Variants in GARIN2 observed in about 807,000 individuals in gnomAD.
GARIN2 encodes the protein golgi associated RAB2 interactor family member 2.
At chr14:67,191,103 G>A in the GARIN2 span, among the ~76,000 whole-genome samples, 6 of 152,108 alleles carry the variant, frequency 3.9e-5, no homozygotes, top group Admixed American at 1.3e-4. Flanking sequence ...GCATGGTGGC[G>A]GGCGCCTCTA....
the GARIN2 span, among the ~76,000 whole-genome samples, chr14:67,217,348 T>A: frequency 1.9e-4 from 29 of 152,186 alleles, no homozygotes; most frequent in South Asian, 8.3e-4. Flanking sequence ...GGTCATTTTT[T>A]AAAAAATCCA....
chr14:67,214,851 G>A, the GARIN2 span, among the ~76,000 whole-genome samples: 116 of 152,148 alleles, frequency 7.6e-4, no homozygotes, highest in African/African-American at 2.7e-3. Flanking sequence ...TTGAGCAGTG[G>A]TTTGTAGTTC....
the GARIN2 span, among the ~76,000 whole-genome samples, chr14:67,216,080 C>G: frequency 6.6e-6 from 1 of 152,200 alleles, no homozygotes; most frequent in African/African-American, 2.4e-5. Context: ...ACCGTGTCCT[C>G]CTACCAATCC....
At chr14:67,198,174 A>T in the GARIN2 span, 1 of 1,612,746 alleles carries the variant, frequency 6.2e-7, no homozygotes, top group Non-Finnish European at 8.5e-7. Flanking sequence ...GAAGAAGAAC[A>T]CCAGCAAGAC....
the GARIN2 span, among the ~76,000 whole-genome samples, chr14:67,220,600 A>C: frequency 6.6e-6 from 1 of 152,244 alleles, no homozygotes; most frequent in African/African-American, 2.4e-5. Flanking sequence ...TTTAGAAATG[A>C]AGAATTTACT....
chr14:67,223,289 T>G, the GARIN2 span, among the ~76,000 whole-genome samples: 1 of 152,098 alleles, frequency 6.6e-6, no homozygotes, highest in African/African-American at 2.4e-5. Context: ...CGTGAGCCAC[T>G]GCGCCTGGCC....
the GARIN2 span, among the ~76,000 whole-genome samples, chr14:67,212,639 T>A: frequency 2.1e-5 from 3 of 144,968 alleles, no homozygotes; most frequent in East Asian, 5.9e-4. Flanking sequence ...ATATAATATA[T>A]ATTACATATA....
chr14:67,203,286 C>G, the GARIN2 span: 1 of 1,583,514 alleles, frequency 6.3e-7, no homozygotes, highest in Non-Finnish European at 8.6e-7. Flanking sequence ...GAAACTAGTG[C>G]TCACCAGGTG....
the GARIN2 span, chr14:67,221,859 G>A: frequency 6.3e-7 from 1 of 1,599,726 alleles, no homozygotes; most frequent in Non-Finnish European, 8.5e-7. Context: ...GTATTCAGTA[G>A]TCATCTCTGG....
chr14:67,195,655 T>C, the GARIN2 span, among the ~76,000 whole-genome samples: 2 of 152,204 alleles, frequency 1.3e-5, no homozygotes, highest in African/African-American at 4.8e-5. Flanking sequence ...TATTATTTTA[T>C]GTGCCACTAA....
chr14:67,221,966 C>A, the GARIN2 span: 1 of 836,414 alleles, frequency 1.2e-6, no homozygotes, highest in Non-Finnish European at 1.8e-6. Context: ...GAATCCTATA[C>A]TGAAGAAACT....
chr14:67,224,086 C>T, the GARIN2 span: 1 of 799,262 alleles, frequency 1.3e-6, no homozygotes, highest in South Asian at 5.7e-5. Flanking sequence ...ATCTCAAATT[C>T]ATCTCTCAAA....
At chr14:67,225,254 G>T in the GARIN2 span, 1 of 1,512,072 alleles carries the variant, frequency 6.6e-7, no homozygotes, top group South Asian at 1.3e-5. Context: ...AAACATGTAA[G>T]ACAAACTAAA....
At chr14:67,223,660 G>T in the GARIN2 span, 5 of 894,634 alleles carry the variant, frequency 5.6e-6, no homozygotes, top group South Asian at 2.6e-4. Flanking sequence ...TTTCCACAAA[G>T]TATTAATTAT....
chr14:67,219,082 G>T, the GARIN2 span, among the ~76,000 whole-genome samples: 1 of 152,024 alleles, frequency 6.6e-6, no homozygotes, highest in Non-Finnish European at 1.5e-5. Flanking sequence ...TCAAGCAGCA[G>T]TTTGGCTCAC....
the GARIN2 span, among the ~76,000 whole-genome samples, chr14:67,203,815 G>A: frequency 5.3e-5 from 8 of 152,168 alleles, no homozygotes; most frequent in South Asian, 2.1e-4. Context: ...CAGTTCAAGC[G>A]ATTCTCCTGT....
chr14:67,225,840 C>T, the GARIN2 span, among the ~76,000 whole-genome samples: 2 of 152,154 alleles, frequency 1.3e-5, no homozygotes, highest in African/African-American at 2.4e-5. Flanking sequence ...ATGATAACAA[C>T]ACCCAGTAGC....
the GARIN2 span, among the ~76,000 whole-genome samples, chr14:67,192,462 T>C: frequency 6.6e-6 from 1 of 152,042 alleles, no homozygotes; most frequent in African/African-American, 2.4e-5. Context: ...AGTAAGGTGA[T>C]TGGATCAGAG....
At chr14:67,224,656 G>C in the GARIN2 span, 1 of 313,354 alleles carries the variant, frequency 3.2e-6, no homozygotes, top group East Asian at 1.2e-4. Context: ...CCAAATTATG[G>C]GCTTATCTCT....
Sources: allele counts gnomAD v4.1 joint callset (sites outside exome capture counted in the v4.1 genomes callset), GRCh38; gene constraint gnomAD v4.1.1; transcripts MANE v1.5; gene names NCBI Gene and HGNC (gene_info 2026-07-23, HGNC 2026-07-21).